The following PRIMPOL variants were observed in gnomAD, a reference collection of about 807,000 sequenced individuals.
PRIMPOL encodes the protein DNA-directed primase/polymerase protein.
PRIMPOL carries 54 observed loss-of-function variants against 63.6 expected under a neutral mutation model. That is an observed-to-expected ratio of 0.85 (90% confidence interval 0.68 to 1.07). The LOEUF (loss-of-function observed/expected upper bound fraction) is 1.07. Among genes scored for constraint, PRIMPOL ranks in the 50% least tolerant of loss-of-function variants. PRIMPOL has a pLI of 0.00. For missense variants in PRIMPOL, 610 were observed against 648.3 expected (o/e 0.94, Z 0.64); for synonymous variants, 197 against 220.2 (o/e 0.89, Z 0.93).
In PRIMPOL at chr4:184,654,453, G is replaced by GTTTTTTTTTT. The variant is rs1553985960; in HGVS notation, c.-60+2359_-60+2368dup. The stretch of plus-strand genomic sequence containing the variant: ...CACTTTGTATTGACAAGTTAAAGCA[G>GTTTTTTTTTT]TTTTTTTTTTTTTTTGAGACAGAGT... On this transcript the variant is annotated intron_variant, in intron 2 of 13. Transcript: ENST00000314970. Among the ~76,000 whole-genome samples the GTTTTTTTTTT allele has an allele frequency of 9.8e-4, 33 of 33,566 alleles. 1 individual carries two copies. The South Asian group carries it at 0.026, about 27-fold the overall frequency. The allele number at this position is 33,566 out of a possible 152,430, so 22.0% of individuals were successfully genotyped here.
At chr4:184,689,122 G>GCAGTGTGATGGCCCAGGCTTGAGA (rs1757780924) in intron 11 of PRIMPOL, among the ~76,000 whole-genome samples, 1 of 149,898 alleles carries the variant, frequency 6.7e-6, no homozygotes, top group African/African-American at 2.5e-5. Flanking sequence ...CAGGCTTGAG[G>GCAGTGTGATGGCCCAGGCTTGAGA]ACAGAGTGCA....
chr4:184,661,954 T>G (rs988640616), intron 5 of PRIMPOL, 51 bp downstream of exon 5: 18 of 1,532,964 alleles, frequency 1.2e-5, no homozygotes, highest in Non-Finnish European at 1.3e-5. Context: ...CTTCATTGGC[T>G]TATTCATTCA....
intron 6 of PRIMPOL, among the ~76,000 whole-genome samples, chr4:184,670,384 T>C (rs993058113): frequency 5.3e-5 from 8 of 152,198 alleles, no homozygotes; most frequent in African/African-American, 9.7e-5. Flanking sequence ...TCCTTTGATA[T>C]GTTGTGATTT....
intron 7 of PRIMPOL, among the ~76,000 whole-genome samples, chr4:184,675,658 A>G (rs1753094163): frequency 6.6e-6 from 1 of 152,134 alleles, no homozygotes; most frequent in Admixed American, 6.5e-5. Flanking sequence ...CTCTACTAAA[A>G]AGACAAAAAT....
chr4:184,684,685 C>T (rs548351549), intron 9 of PRIMPOL, among the ~76,000 whole-genome samples: 73 of 151,886 alleles, frequency 4.8e-4, no homozygotes, highest in Admixed American at 3.6e-3. Context: ...TGGAAAGGAC[C>T]GGGAGGATTG....
chr4:184,690,553 A>G (rs540211999), intron 11 of PRIMPOL, among the ~76,000 whole-genome samples: 17 of 152,170 alleles, frequency 1.1e-4, no homozygotes, highest in African/African-American at 4.1e-4. Flanking sequence ...TCCGCCTCCC[A>G]GGTTCAAGTG....
intron 1 of PRIMPOL, 36 bp from the exon 2 acceptor site, chr4:184,651,987 T>G (rs1744665375): frequency 6.6e-6 from 1 of 152,256 alleles, no homozygotes; most frequent in Non-Finnish European, 1.5e-5. Flanking sequence ...CTGGAGGCAG[T>G]GTCTTCTGGC....
chr4:184,691,311 T>A, intron 11 of PRIMPOL, 188 bp from the exon 12 acceptor site: 1 of 516,452 alleles, frequency 1.9e-6, no homozygotes, highest in South Asian at 3.1e-5. Context: ...CTTTTTGCCC[T>A]GCAGTTCATT....
intron 5 of PRIMPOL, among the ~76,000 whole-genome samples, chr4:184,665,490 AT>A (rs1157863726): frequency 2.0e-5 from 3 of 151,152 alleles, no homozygotes; most frequent in Non-Finnish European, 4.4e-5. Flanking sequence ...ATTAAAAAAA[AT>A]GAATTAATGA....
chr4:184,656,144 A>G (rs1294573653), intron 2 of PRIMPOL, among the ~76,000 whole-genome samples: 3 of 152,096 alleles, frequency 2.0e-5, no homozygotes, highest in African/African-American at 4.8e-5. Flanking sequence ...TTCATCCTCT[A>G]TGAGGCTAGA....
At chr4:184,689,802 TAC>T (rs989335851) in intron 11 of PRIMPOL, among the ~76,000 whole-genome samples, 1 of 152,152 alleles carries the variant, frequency 6.6e-6, no homozygotes, top group Non-Finnish European at 1.5e-5. Flanking sequence ...AGCCCAGCTC[TAC>T]AAAGATGGAG....
At chr4:184,675,889 A>C (rs1383501860) in intron 7 of PRIMPOL, among the ~76,000 whole-genome samples, 1 of 152,146 alleles carries the variant, frequency 6.6e-6, no homozygotes, top group East Asian at 1.9e-4. Context: ...CTTGTTGTTC[A>C]AGGGTAAACT....
At chr4:184,669,743 C>T (rs72689261) in intron 6 of PRIMPOL, among the ~76,000 whole-genome samples, 1 of 152,058 alleles carries the variant, frequency 6.6e-6, no homozygotes, top group Non-Finnish European at 1.5e-5. Flanking sequence ...GTGCGTGGCT[C>T]ATTTGGGGAC....
In PRIMPOL at chr4:184,655,618, C is replaced by T. The variant is rs138777774; in HGVS notation, c.-59-1464C>T. ...TACAGGCAGGAGCCACCGCGCCTGG[C>T]CCCCTTTCTTAATCTTTTAGGGAGA... On this transcript the variant is annotated intron_variant, in intron 2 of 13. Coordinates refer to ENST00000314970, the MANE Select transcript of PRIMPOL (RefSeq NM_152683.4). 8.2e-3 allele frequency among the ~76,000 whole-genome samples: 1,252 copies of T among 152,212 alleles called. 19 individuals are homozygous for T. Among genetic ancestry groups the T allele is most frequent in the African/African-American group, 0.029 (1,188 of 41,524 alleles).
At chr4:184,686,574 A>G (rs1489447255) in intron 11 of PRIMPOL, among the ~76,000 whole-genome samples, 1 of 152,230 alleles carries the variant, frequency 6.6e-6, no homozygotes, top group Non-Finnish European at 1.5e-5. Context: ...AGCCAGAAAT[A>G]GAACTTTAAA....
At chr4:184,679,885 G>A (rs980787064) in intron 8 of PRIMPOL, among the ~76,000 whole-genome samples, 7 of 152,128 alleles carry the variant, frequency 4.6e-5, no homozygotes, top group African/African-American at 1.7e-4. Context: ...AGCCCACCTT[G>A]CCCCTGCCCC....
intron 8 of PRIMPOL, among the ~76,000 whole-genome samples, chr4:184,678,729 T>C (rs2696047): frequency 0.97 from 147,127 of 151,814 alleles, 71,468 homozygotes; most frequent in East Asian, 1. Flanking sequence ...GGTTTCACCA[T>C]GTTAGCCAGG....
intron 5 of PRIMPOL, among the ~76,000 whole-genome samples, chr4:184,664,273 T>G (rs1260346687): frequency 6.6e-6 from 1 of 152,366 alleles, no homozygotes; most frequent in East Asian, 1.9e-4. Flanking sequence ...TTTTAGTCCC[T>G]ACTAAGTGTC....
At chr4:184,681,802 G>GTAATCCCAGC (rs1755701601) in intron 8 of PRIMPOL, among the ~76,000 whole-genome samples, 1 of 152,128 alleles carries the variant, frequency 6.6e-6, no homozygotes, top group Non-Finnish European at 1.5e-5. Context: ...TCAAACTCCT[G>GTAATCCCAGC]ACCTCAAGTG....
Sources: gnomAD v4.1 joint callset for allele counts (sites outside exome capture counted in the v4.1 genomes callset) on GRCh38, gnomAD v4.1.1 for gene constraint, MANE v1.5 for transcripts, NCBI Gene and HGNC (gene_info 2026-07-23, HGNC 2026-07-21) for gene names.